The following CA5A variants were observed in gnomAD, a reference collection of about 807,000 sequenced individuals.
The protein encoded by CA5A is carbonic anhydrase 5A.
Under a neutral mutation model 37.1 loss-of-function variants are expected in CA5A, and 28 were observed. The observed-to-expected ratio is 0.75, with a 90% CI of 0.56 to 1.03. CA5A has a LOEUF of 1.03. Ranked by LOEUF, CA5A falls within the 50% of genes least tolerant of loss-of-function variation. The pLI, the probability that CA5A is intolerant of heterozygous loss-of-function variation, is 0.00. For missense variants in CA5A, 444 were observed against 399.9 expected (o/e 1.11, Z -0.94); for synonymous variants, 171 against 158.4 (o/e 1.08, Z -0.60).
intron 6 of CA5A, among the ~76,000 whole-genome samples, chr16:87,890,450 A>G (rs996139009): frequency 6.6e-6 from 1 of 152,150 alleles, no homozygotes; most frequent in African/African-American, 2.4e-5. Flanking sequence ...CCTCGGAAAG[A>G]GATGAGCCAG....
rs538320091 is a variant in CA5A at position 87,922,070 on chromosome 16, G to C, written c.340+4678C>G. On this transcript the variant is annotated intron_variant, in intron 2 of 6. Coordinates refer to ENST00000649794, the MANE Select transcript of CA5A (RefSeq NM_001739.2). ...TTTATTTTTGTAGAGATGCATTCTC[G>C]TTACCCTCCCACCTTGGCCTATCAC... is the stretch of plus-strand genomic sequence containing the variant. Among the ~76,000 whole-genome samples the C allele has an allele frequency of 4.6e-5, 7 of 151,984 alleles. No homozygotes were observed. The East Asian group carries it at 1.2e-3, about 25-fold the overall frequency.
intron 1 of CA5A, among the ~76,000 whole-genome samples, chr16:87,928,912 C>A (rs971969411): frequency 2.0e-5 from 3 of 150,456 alleles, no homozygotes; most frequent in African/African-American, 7.3e-5. Flanking sequence ...CTATTACAGG[C>A]ACGCGCCGCC....
At chr16:87,924,238 G>A in intron 2 of CA5A, 1 of 985,404 alleles carries the variant, frequency 1.0e-6, no homozygotes, top group Non-Finnish European at 1.2e-6. Flanking sequence ...CTGGCACTCA[G>A]CAAGCCCCAC....
At chr16:87,894,537 T>C (rs960118739) in intron 5 of CA5A, among the ~76,000 whole-genome samples, 1 of 151,526 alleles carries the variant, frequency 6.6e-6, no homozygotes, top group Admixed American at 6.6e-5. Flanking sequence ...ATCAGTTCTA[T>C]GCACGCATGT....
chr16:87,908,903 C>A (rs1308714347), intron 2 of CA5A, among the ~76,000 whole-genome samples: 1 of 152,126 alleles, frequency 6.6e-6, no homozygotes, highest in African/African-American at 2.4e-5. Context: ...GCAACCTCCA[C>A]CTCCCGGGTT....
intron 6 of CA5A, among the ~76,000 whole-genome samples, chr16:87,889,386 G>C (rs1238573337): frequency 6.6e-6 from 1 of 152,030 alleles, no homozygotes; most frequent in Admixed American, 6.6e-5. Context: ...ACTATGTTTT[G>C]GAGCTATTTG....
At chr16:87,897,946 C>T (rs967310098) in intron 5 of CA5A, among the ~76,000 whole-genome samples, 1 of 152,210 alleles carries the variant, frequency 6.6e-6, no homozygotes, top group African/African-American at 2.4e-5. Context: ...GCAGGTGCTC[C>T]TGACGGGAGT....
chr16:87,924,837 G>A (rs566640635), intron 2 of CA5A, among the ~76,000 whole-genome samples: 4 of 152,252 alleles, frequency 2.6e-5, no homozygotes, highest in Non-Finnish European at 5.9e-5. Context: ...GCAGGTCCGG[G>A]CATGCTGGCA....
intron 6 of CA5A, among the ~76,000 whole-genome samples, chr16:87,888,526 G>A (rs903759415): frequency 6.6e-5 from 10 of 152,138 alleles, no homozygotes; most frequent in African/African-American, 2.2e-4. Context: ...AAGCAGCCCC[G>A]AGGAGAGGCC....
chr16:87,890,122 G>T (rs907652857), intron 6 of CA5A, among the ~76,000 whole-genome samples: 2 of 152,208 alleles, frequency 1.3e-5, no homozygotes, highest in Admixed American at 6.5e-5. Context: ...AGGATAAGGG[G>T]CTCCTGCCCT....
At chr16:87,931,173 G>A (rs1050592425) in intron 1 of CA5A, among the ~76,000 whole-genome samples, 2 of 150,032 alleles carry the variant, frequency 1.3e-5, no homozygotes, top group Non-Finnish European at 3.0e-5. Context: ...GTGCAGTGGC[G>A]TAATCTCAGT....
intron 6 of CA5A, among the ~76,000 whole-genome samples, chr16:87,890,058 C>T (rs566012212): frequency 2.5e-4 from 38 of 152,346 alleles, no homozygotes; most frequent in African/African-American, 8.4e-4. Context: ...CCTTTCTCCT[C>T]CCCTGGAAAA....
chr16:87,923,308 T>C (rs1269872682), intron 2 of CA5A, among the ~76,000 whole-genome samples: 1 of 152,046 alleles, frequency 6.6e-6, no homozygotes, highest in African/African-American at 2.4e-5. Flanking sequence ...CCTGCCTCAG[T>C]CCCCCGAGGA....
chr16:87,903,723 TAAC>T (rs1025570850), intron 3 of CA5A, among the ~76,000 whole-genome samples: 7 of 152,262 alleles, frequency 4.6e-5, no homozygotes, highest in African/African-American at 9.6e-5. Context: ...ATTACTTTCA[TAAC>T]AACAACAAGT....
chr16:87,935,969 G>A (rs1184452498), intron 1 of CA5A, among the ~76,000 whole-genome samples: 1 of 152,058 alleles, frequency 6.6e-6, no homozygotes, highest in African/African-American at 2.4e-5. Flanking sequence ...TTAGGAGTTC[G>A]AGACCAACCT....
At chr16:87,916,419 C>A (rs2056144401) in intron 2 of CA5A, among the ~76,000 whole-genome samples, 1 of 152,078 alleles carries the variant, frequency 6.6e-6, no homozygotes, top group Admixed American at 6.5e-5. Flanking sequence ...CTGGAATGCT[C>A]CTCCCCACCG....
intron 1 of CA5A, among the ~76,000 whole-genome samples, chr16:87,934,283 G>A (rs1284266780): frequency 1.3e-5 from 2 of 152,234 alleles, no homozygotes; most frequent in Non-Finnish European, 2.9e-5. Flanking sequence ...GTCACAGAGG[G>A]GACAGCTGGG....
At chr16:87,918,975 C>T (rs1479570323) in intron 2 of CA5A, among the ~76,000 whole-genome samples, 1 of 151,912 alleles carries the variant, frequency 6.6e-6, no homozygotes, top group African/African-American at 2.4e-5. Flanking sequence ...GAGAAAATGA[C>T]AAAGTGAAAC....
intron 2 of CA5A, among the ~76,000 whole-genome samples, chr16:87,914,676 G>C (rs951548827): frequency 6.6e-6 from 1 of 150,748 alleles, no homozygotes; most frequent in Admixed American, 6.6e-5. Context: ...CAACACGAGG[G>C]AACCACGGAG....
Sources: allele counts gnomAD v4.1 joint callset (sites outside exome capture counted in the v4.1 genomes callset), GRCh38; gene constraint gnomAD v4.1.1; transcripts MANE v1.5; gene names NCBI Gene and HGNC (gene_info 2026-07-23, HGNC 2026-07-21).